RPGR: variants seen among roughly 807,000 people sequenced by gnomAD.
RPGR encodes the protein retinitis pigmentosa GTPase regulator.
RPGR carries 10 observed loss-of-function variants against 56.3 expected under a neutral mutation model. The observed-to-expected ratio is 0.18, with a 90% CI of 0.11 to 0.30. The LOEUF (loss-of-function observed/expected upper bound fraction) is 0.30, where lower values mean the gene tolerates loss of function less well. Among genes scored for constraint, RPGR ranks in the 10% least tolerant of loss-of-function variants. The pLI, the probability that RPGR is intolerant of heterozygous loss-of-function variation, is 1.00. For missense variants in RPGR, 538 were observed against 590.9 expected (o/e 0.91, Z 0.93); for synonymous variants, 197 against 212.9 (o/e 0.93, Z 0.65).
chrX:38,324,118 C>CT (rs1222314583), intron 1 of RPGR, among the ~76,000 whole-genome samples: 2 of 111,901 alleles, frequency 1.8e-5, no homozygotes, highest in Non-Finnish European at 3.8e-5. Context: ...GGGTCTCACT[C>CT]TGTCACCCAG....
At chrX:38,290,601 C>G (rs775227909) in intron 13 of RPGR, among the ~76,000 whole-genome samples, 3 of 111,714 alleles carry the variant, frequency 2.7e-5, no homozygotes, top group Non-Finnish European at 5.6e-5. Context: ...AATTCAAAGT[C>G]ATACTCAACC....
At chrX:38,317,283 G>A (rs199762663) in intron 6 of RPGR, 33 bp downstream of exon 6, 58 of 1,157,655 alleles carry the variant, frequency 5.0e-5, no homozygotes, top group Non-Finnish European at 6.6e-5. Context: ...ATAGAAGTGG[G>A]AGATAACATG....
intron 8 of RPGR, among the ~76,000 whole-genome samples, chrX:38,303,317 G>GA (rs371659681): frequency 7.4e-4 from 73 of 98,492 alleles, no homozygotes; most frequent in Admixed American, 8.8e-4. Flanking sequence ...AGTCCTGGAG[G>GA]AAAAAAAAAA....
In RPGR at chrX:38,270,458, C is replaced by CAA. The variant is rs771458538; in HGVS notation, c.2242-628_2242-627dup. On this transcript the variant is annotated intron_variant, in intron 18 of 18. Coordinates refer to ENST00000642395, the MANE Select transcript of RPGR (RefSeq NM_000328.3). ...TGAAACCCTGTCTCTACTACAAATA[C>CAA]AAAAAAAAAAAAAAATTAGCCGGGC... is the stretch of plus-strand genomic sequence containing the variant. Among the ~76,000 whole-genome samples, 158 of 76,538 alleles carry CAA rather than the reference C, an allele frequency of 2.1e-3. 3 individuals are homozygous for CAA. The highest frequency in any genetic ancestry group is 7.7e-3 in the African/African-American group (152 of 19,671). The allele number at this position is 76,538 out of a possible 115,157, so 66.5% of individuals were successfully genotyped here.
At chrX:38,311,610 G>A (rs1349995167) in intron 6 of RPGR, among the ~76,000 whole-genome samples, 1 of 111,627 alleles carries the variant, frequency 9.0e-6, no homozygotes, top group African/African-American at 3.3e-5. Context: ...GTGGCCCCTG[G>A]AGTGTTCTTT....
intron 13 of RPGR, among the ~76,000 whole-genome samples, chrX:38,288,769 G>A (rs923412766): frequency 1.8e-5 from 2 of 111,147 alleles, no homozygotes; most frequent in African/African-American, 6.5e-5. Context: ...CCACTTTCCC[G>A]ATCATCTTTA....
chrX:38,279,149 G>A (rs1410986716), intron 15 of RPGR: 1 of 329,293 alleles, frequency 3.0e-6, no homozygotes, highest in Non-Finnish European at 5.9e-6. Flanking sequence ...ACTACTTGAA[G>A]TCACAGAAAG....
At chrX:38,290,898 C>T (rs990826168) in intron 13 of RPGR, 61 bp downstream of exon 13, 3 of 517,628 alleles carry the variant, frequency 5.8e-6, no homozygotes, top group African/African-American at 4.8e-5. Context: ...CAAAAACCAT[C>T]CAAAAAATTA....
chrX:38,275,765 TAA>T (rs1000721728), intron 16 of RPGR, among the ~76,000 whole-genome samples: 2 of 108,885 alleles, frequency 1.8e-5, no homozygotes, highest in African/African-American at 6.9e-5. Context: ...GGAATGGAGC[TAA>T]AAGAGAATAC....
chrX:38,291,498 T>A lies in RPGR; in HGVS notation c.1415-14A>T, dbSNP rs1380985300. On this transcript the variant is annotated splice_polypyrimidine_tract_variant and intron_variant, in intron 11 of 18. Coordinates refer to ENST00000642395, the MANE Select transcript of RPGR (RefSeq NM_000328.3). The stretch of plus-strand genomic sequence containing the variant: ...CTAGCAAATAATCTGAATGATTAAA[T>A]GGGAAAAAGGAAATCCAGATTTCAA... The A allele has an allele frequency of 2.0e-6, 2 of 979,361 alleles. No homozygotes were observed. Among genetic ancestry groups the A allele is most frequent in the Non-Finnish European group, 2.9e-6 (2 of 687,850 alleles). The allele number at this position is 979,361 out of a possible 1,213,427, so 80.7% of individuals were successfully genotyped here. A position where few individuals can be genotyped will look rare whatever the true frequency, so the allele number is the denominator to read the frequency against.
chrX:38,297,893 A>T (rs191342543), intron 10 of RPGR, among the ~76,000 whole-genome samples: 1,269 of 112,284 alleles, frequency 0.011, 20 homozygotes, highest in African/African-American at 0.039. Flanking sequence ...CCTTCAAAAA[A>T]ACATGTTTTG....
At chrX:38,286,963 T>G (rs1307525158) in intron 15 of RPGR, 2 of 1,208,460 alleles carry the variant, frequency 1.7e-6, no homozygotes, top group African/African-American at 3.5e-5. Context: ...ACCCTTGTCT[T>G]TCTCCCCCTT....
chrX:38,276,463 T>A, intron 16 of RPGR: 2 of 646,281 alleles, frequency 3.1e-6, no homozygotes. Context: ...CATGAATTCA[T>A]GTATTCATGT....
intron 9 of RPGR, 86 bp downstream of exon 9, chrX:38,301,161 C>T (rs1257127433): frequency 2.4e-6 from 2 of 845,898 alleles, no homozygotes; most frequent in African/African-American, 4.2e-5. Context: ...TCCATACAAA[C>T]ATAAAATTAC....
At chrX:38,323,633 G>GC in intron 1 of RPGR, 109 bp from the exon 2 acceptor site, 1 of 857,102 alleles carries the variant, frequency 1.2e-6, no homozygotes, top group Non-Finnish European at 1.7e-6. Context: ...TGACAGCTTT[G>GC]CCCCCACTCT....
chrX:38,295,758 C>T (rs1260799195), intron 11 of RPGR, among the ~76,000 whole-genome samples: 1 of 111,317 alleles, frequency 9.0e-6, no homozygotes, highest in Non-Finnish European at 1.9e-5. Context: ...TACCTCAACC[C>T]TTTGCCTAGC....
At chrX:38,292,437 A>G (rs2067300209) in intron 11 of RPGR, among the ~76,000 whole-genome samples, 1 of 111,902 alleles carries the variant, frequency 8.9e-6, no homozygotes. Flanking sequence ...TCAGTTTCTC[A>G]CTATGCCCTC....
chrX:38,304,063 G>A (rs2067550978), intron 8 of RPGR, among the ~76,000 whole-genome samples: 2 of 111,811 alleles, frequency 1.8e-5, no homozygotes, highest in Admixed American at 9.5e-5. Context: ...TTGAGGCTGA[G>A]AAGTGGGCTC....
At chrX:38,304,838 C>A (rs759667085) in intron 7 of RPGR, 48 bp from the exon 8 acceptor site, 1 of 1,128,025 alleles carries the variant, frequency 8.9e-7, no homozygotes, top group Admixed American at 2.2e-5. Context: ...GAAGCAGACA[C>A]TGTTACCATC....
Sources: gnomAD v4.1 joint callset for allele counts (sites outside exome capture counted in the v4.1 genomes callset) on GRCh38, gnomAD v4.1.1 for gene constraint, MANE v1.5 for transcripts, NCBI Gene and HGNC (gene_info 2026-07-23, HGNC 2026-07-21) for gene names.